TFDP2: variants seen among roughly 807,000 people sequenced by gnomAD.
TFDP2 encodes transcription factor Dp-2.
TFDP2 carries 17 observed loss-of-function variants against 59.3 expected under a neutral mutation model. The ratio of observed to expected loss-of-function variants is 0.29; its 90% CI spans 0.20 to 0.43. The LOEUF (loss-of-function observed/expected upper bound fraction) is 0.43, where lower values mean the gene tolerates loss of function less well. Among genes scored for constraint, TFDP2 ranks in the 20% least tolerant of loss-of-function variants. TFDP2 has a pLI of 1.00. For synonymous variants in TFDP2, 180 were observed against 194.7 expected (o/e 0.92, Z 0.63); for missense variants, 391 against 528.8 (o/e 0.74, Z 2.56).
At chr3:141,977,130 C>CTTTTTTTTTTTT (rs1559959815) in intron 7 of TFDP2, among the ~76,000 whole-genome samples, 4 of 113,308 alleles carry the variant, frequency 3.5e-5, no homozygotes, top group East Asian at 2.4e-4. Flanking sequence ...TTTTTTTTTC[C>CTTTTTTTTTTTT]CCCCAAAGAG....
chr3:141,969,141 CAT>C lies in TFDP2; in HGVS notation c.732+930_732+931del, dbSNP rs1217042202. Among the ~76,000 whole-genome samples, 5 of 78,758 alleles carry C rather than the reference CAT, an allele frequency of 6.3e-5. 1 individual carries two copies. Among genetic ancestry groups the C allele is most frequent in the Non-Finnish European group, 8.9e-5 (4 of 44,956 alleles). 51.7% of individuals were successfully genotyped at this position (78,758 alleles called of 152,430 possible). ...AGATATATATATAACATATATATCCCATATATATGAGATATATATATAACATA... is the reference window on the plus strand; with the variant it reads ...AGATATATATATAACATATATATCCCATATATGAGATATATATATAACATA... On this transcript the variant is annotated intron_variant, in intron 9 of 12. Transcript: ENST00000489671.
chr3:141,996,686 T>C (rs543581882), intron 4 of TFDP2, among the ~76,000 whole-genome samples: 47 of 152,292 alleles, frequency 3.1e-4, no homozygotes, highest in African/African-American at 1.1e-3. Context: ...AACAATAACC[T>C]CTGAAGCATA....
At chr3:142,002,011 C>T (rs35597264) in intron 4 of TFDP2, among the ~76,000 whole-genome samples, 16,989 of 101,534 alleles carry the variant, frequency 0.17, 1,188 homozygotes, top group Middle Eastern at 0.23. Context: ...TTTTTTTTGT[C>T]TGAGACAAAG....
chr3:142,091,459 G>C (rs748683993), intron 3 of TFDP2, among the ~76,000 whole-genome samples: 2 of 152,048 alleles, frequency 1.3e-5, no homozygotes, highest in Non-Finnish European at 2.9e-5. Context: ...CCATCTACTT[G>C]GGAGGCTGAG....
chr3:142,064,763 G>T (rs764972761), intron 3 of TFDP2, among the ~76,000 whole-genome samples: 5 of 152,118 alleles, frequency 3.3e-5, no homozygotes, highest in Non-Finnish European at 5.9e-5. Context: ...TTTCCAATAC[G>T]CAATCAAAGA....
chr3:142,091,794 A>T (rs1354954273), intron 3 of TFDP2, among the ~76,000 whole-genome samples: 2 of 152,096 alleles, frequency 1.3e-5, no homozygotes, highest in East Asian at 1.9e-4. Flanking sequence ...CACAACCCAG[A>T]TCCCTCCCAT....
chr3:141,954,851 T>C (rs1035924625), intron 11 of TFDP2, among the ~76,000 whole-genome samples: 11 of 152,070 alleles, frequency 7.2e-5, no homozygotes, highest in African/African-American at 2.4e-4. Flanking sequence ...AATGAAACTA[T>C]ATGATTTAGA....
At position 142,098,092 on chromosome 3, in the gene TFDP2, AT is replaced by A. The variant is rs372777714; in HGVS notation, c.15+3642del. Among the ~76,000 whole-genome samples the A allele has an allele frequency of 5.5e-4, 83 of 152,228 alleles. 1 individual carries two copies. In the East Asian group the frequency reaches 0.015, roughly 27 times the overall value. On this transcript the variant is annotated intron_variant, in intron 2 of 12. Coordinates refer to ENST00000489671, the MANE Select transcript of TFDP2 (RefSeq NM_001178139.2). Reference sequence around the variant, plus strand: ...AGGCGTGAGCCATCGCGCTGGGCCAATGTCTATACATTTTGATTGCTACATA... The same window carrying A: ...AGGCGTGAGCCATCGCGCTGGGCCAAGTCTATACATTTTGATTGCTACATA...
At chr3:142,098,792 A>G (rs1284555419) in intron 2 of TFDP2, among the ~76,000 whole-genome samples, 1 of 152,178 alleles carries the variant, frequency 6.6e-6, no homozygotes, top group Non-Finnish European at 1.5e-5. Context: ...TATGAGGCCA[A>G]TGCAAGCCAT....
intron 3 of TFDP2, among the ~76,000 whole-genome samples, chr3:142,075,858 G>A: frequency 6.9e-6 from 1 of 145,066 alleles, no homozygotes; most frequent in Admixed American, 7.1e-5. Context: ...AATGAGATGT[G>A]ATCATGTCAC....
intron 1 of TFDP2, among the ~76,000 whole-genome samples, chr3:142,116,021 T>C (rs2061842223): frequency 6.6e-6 from 1 of 152,136 alleles, no homozygotes; most frequent in South Asian, 2.1e-4. Flanking sequence ...TTGGGGGAAG[T>C]TGGGCTACGG....
At chr3:142,044,559 C>T (rs576944798) in intron 3 of TFDP2, among the ~76,000 whole-genome samples, 1 of 151,734 alleles carries the variant, frequency 6.6e-6, no homozygotes, top group African/African-American at 2.4e-5. Context: ...TTAGTAGAGA[C>T]AGAGTTTCAC....
intron 6 of TFDP2, 61 bp from the exon 7 acceptor site, chr3:141,978,743 C>A: frequency 7.8e-7 from 1 of 1,279,362 alleles, no homozygotes. Context: ...CTTTACAAAT[C>A]TCTGTAAGAT....
At chr3:141,966,361 C>T (rs908076173) in intron 9 of TFDP2, among the ~76,000 whole-genome samples, 2 of 151,460 alleles carry the variant, frequency 1.3e-5, no homozygotes, top group African/African-American at 2.4e-5. Flanking sequence ...TTAGTAGAGG[C>T]GGGGTTTTAC....
rs1306748499 is a variant in TFDP2, at chr3:142,109,364, T to C, written c.-92-7523A>G. Among the ~76,000 whole-genome samples the C allele has an allele frequency of 5.3e-5, 8 of 150,652 alleles. No individual in the cohort carries two copies. The East Asian group carries it at 1.6e-3, about 30-fold the overall frequency. ...TTTTTTTTTTGAGATGGAGTCTCGCTGTCACCCAGGCTAGAGGGCAACGGT... is the reference window on the plus strand; with the variant it reads ...TTTTTTTTTTGAGATGGAGTCTCGCCGTCACCCAGGCTAGAGGGCAACGGT... On this transcript the variant is annotated intron_variant, in intron 1 of 12. Transcript: ENST00000489671.
chr3:142,135,129 A>G lies in TFDP2; in HGVS notation c.-93+14054T>C, dbSNP rs188711566. Among the ~76,000 whole-genome samples the G allele has an allele frequency of 7.8e-4, 118 of 152,190 alleles. 1 individual carries two copies. The highest frequency in any genetic ancestry group is 2.9e-3 in the South Asian group (14 of 4,820). ...TGTTTTGAAGATATGGGGTCTTACT[A>G]CATCGCCCAGGCTAGAAAGCAGTAG... On this transcript the variant is annotated intron_variant, in intron 1 of 12. Coordinates refer to ENST00000489671, the MANE Select transcript of TFDP2 (RefSeq NM_001178139.2).
In TFDP2 at chr3:142,051,538, G is replaced by A. The variant is rs564157987; in HGVS notation, c.82+41523C>T. On this transcript the variant is annotated intron_variant, in intron 3 of 12. Transcript: ENST00000489671. ...ATTCCATCTCAAAAAAAAAAAAACC[G>A]TCTCCAGATATTGCCAAATGTCCCC... 1.0e-4 allele frequency among the ~76,000 whole-genome samples: 15 copies of A among 149,664 alleles called. No individual in the cohort carries two copies. The East Asian group carries it at 1.6e-3, about 16-fold the overall frequency.
At chr3:142,107,579 G>A (rs746759250) in intron 1 of TFDP2, among the ~76,000 whole-genome samples, 9 of 152,034 alleles carry the variant, frequency 5.9e-5, no homozygotes, top group Non-Finnish European at 7.4e-5. Flanking sequence ...TTTTTCTTAC[G>A]TGAGCAGCAT....
At chr3:142,131,203 G>A (rs1378557610) in intron 1 of TFDP2, among the ~76,000 whole-genome samples, 1 of 149,992 alleles carries the variant, frequency 6.7e-6, no homozygotes, top group Non-Finnish European at 1.5e-5. Context: ...TATTATTGAG[G>A]ATAAAGAAGA....
Sources: allele counts gnomAD v4.1 joint callset (sites outside exome capture counted in the v4.1 genomes callset), GRCh38; gene constraint gnomAD v4.1.1; transcripts MANE v1.5; gene names NCBI Gene and HGNC (gene_info 2026-07-23, HGNC 2026-07-21).